Variants in CLINT1 observed in about 807,000 individuals in gnomAD.
CLINT1 encodes the protein clathrin interactor 1, also known as clathrin interacting protein localized in the trans-Golgi region.
In CLINT1, 15 loss-of-function variants were observed where a neutral mutation model predicts 70.4. That is an observed-to-expected ratio of 0.21 (90% confidence interval 0.14 to 0.33). CLINT1 has a LOEUF of 0.33. Ranked by LOEUF, CLINT1 falls within the 10% of genes least tolerant of loss-of-function variation. The pLI is 1.00. For missense variants in CLINT1, 615 were observed against 778.1 expected, an observed-to-expected ratio of 0.79 and a Z score of 2.49; for synonymous variants, 227 against 254.7, an observed-to-expected ratio of 0.89 and a Z score of 1.04.
At chr5:157,822,118 G>A (rs902260127) in intron 1 of CLINT1, among the ~76,000 whole-genome samples, 1 of 152,032 alleles carries the variant, frequency 6.6e-6, no homozygotes, top group Non-Finnish European at 1.5e-5. Context: ...CACGTGTTGT[G>A]GGAGGGACCT....
chr5:157,787,531 G>C lies in CLINT1; in HGVS notation c.*115C>G. The C allele has an allele frequency of 4.3e-6, 4 of 922,944 alleles. No individual in the cohort carries two copies. Among genetic ancestry groups the C allele is most frequent in the Non-Finnish European group, 6.6e-6 (4 of 602,572 alleles). 57.2% of individuals were successfully genotyped at this position (922,944 alleles called of 1,614,324 possible). A position where few individuals can be genotyped will look rare whatever the true frequency, so the allele number is the denominator to read the frequency against. ...AACAGCCTTTTTGGTTCTTTATGTA[G>C]ATTTATTTTAATTACTTGATAAAAG... On this transcript the variant is annotated 3_prime_UTR_variant, in exon 12 of 12. Coordinates refer to ENST00000411809, the MANE Select transcript of CLINT1 (RefSeq NM_014666.4).
intron 1 of CLINT1, among the ~76,000 whole-genome samples, chr5:157,853,256 T>A (rs1753634001): frequency 6.6e-6 from 1 of 150,782 alleles, no homozygotes; most frequent in Non-Finnish European, 1.5e-5. Flanking sequence ...GGAGACTCGC[T>A]GGAACCTGGG....
intron 5 of CLINT1, among the ~76,000 whole-genome samples, chr5:157,811,579 G>C (rs1370036558): frequency 6.6e-6 from 1 of 151,128 alleles, no homozygotes; most frequent in Non-Finnish European, 1.5e-5. Context: ...ACTGCTAAGA[G>C]TGATTAGTTA....
chr5:157,826,234 C>T (rs1763032621), intron 1 of CLINT1, among the ~76,000 whole-genome samples: 1 of 152,218 alleles, frequency 6.6e-6, no homozygotes, highest in South Asian at 2.1e-4. Context: ...CAATCTCCCA[C>T]ATTTATCCAT....
intron 1 of CLINT1, among the ~76,000 whole-genome samples, chr5:157,821,876 CATT>C (rs1762888758): frequency 6.6e-6 from 1 of 152,190 alleles, no homozygotes; most frequent in African/African-American, 2.4e-5. Context: ...TAGACACAAT[CATT>C]ATTGTTTATG....
intron 1 of CLINT1, among the ~76,000 whole-genome samples, chr5:157,833,359 A>C (rs1317526972): frequency 6.6e-6 from 1 of 152,016 alleles, no homozygotes; most frequent in African/African-American, 2.4e-5. Flanking sequence ...TCAAAAAAAA[A>C]AAAAGGAGGA....
chr5:157,840,502 A>G (rs1753135658), intron 1 of CLINT1, among the ~76,000 whole-genome samples: 1 of 151,870 alleles, frequency 6.6e-6, no homozygotes, highest in Admixed American at 6.6e-5. Flanking sequence ...CAGGAAATGC[A>G]CACTGAAGCA....
At chr5:157,791,650 A>T in intron 10 of CLINT1, 53 bp downstream of exon 10, 1 of 1,479,234 alleles carries the variant, frequency 6.8e-7, no homozygotes, top group Non-Finnish European at 9.2e-7. Flanking sequence ...TCAATGAGTT[A>T]GAGCATCTCA....
intron 1 of CLINT1, among the ~76,000 whole-genome samples, chr5:157,818,797 C>A (rs1054157369): frequency 9.9e-5 from 15 of 152,136 alleles, no homozygotes; most frequent in Non-Finnish European, 2.1e-4. Flanking sequence ...TGGAATTTCT[C>A]ATGCTTATAT....
At chr5:157,834,073 G>A (rs538390610) in intron 1 of CLINT1, among the ~76,000 whole-genome samples, 2 of 152,266 alleles carry the variant, frequency 1.3e-5, no homozygotes, top group South Asian at 4.1e-4. Flanking sequence ...CAGGCACGGA[G>A]GCTCATACCT....
At chr5:157,795,006 C>T (rs1762026204) in intron 8 of CLINT1, 34 bp from the exon 9 acceptor site, 6 of 1,511,050 alleles carry the variant, frequency 4.0e-6, no homozygotes, top group Non-Finnish European at 5.4e-6. Context: ...ACTGTTAGAA[C>T]TAGAGAAAAA....
intron 6 of CLINT1, 135 bp from the exon 7 acceptor site, chr5:157,806,247 C>G: frequency 1.2e-6 from 1 of 832,948 alleles, no homozygotes. Flanking sequence ...CAGGGATCAA[C>G]AGAATGTTAT....
At chr5:157,801,776 G>C (rs1762229586) in intron 8 of CLINT1, among the ~76,000 whole-genome samples, 1 of 152,094 alleles carries the variant, frequency 6.6e-6, no homozygotes, top group Non-Finnish European at 1.5e-5. Flanking sequence ...CCTAATCCAA[G>C]AATTTTAACA....
chr5:157,804,626 A>G (rs772450032), intron 7 of CLINT1, among the ~76,000 whole-genome samples: 1 of 152,164 alleles, frequency 6.6e-6, no homozygotes. Flanking sequence ...TGAAAACAAA[A>G]AAGAAAAAGC....
intron 5 of CLINT1, among the ~76,000 whole-genome samples, chr5:157,810,946 A>G (rs1208718547): frequency 2.6e-5 from 4 of 152,244 alleles, no homozygotes; most frequent in Admixed American, 2.0e-4. Flanking sequence ...TACATGTTTA[A>G]GGATTTTAAC....
At chr5:157,803,820 T>G in intron 7 of CLINT1, 101 bp from the exon 8 acceptor site, 1 of 747,582 alleles carries the variant, frequency 1.3e-6, no homozygotes, top group Non-Finnish European at 2.0e-6. Context: ...ATACCTGTAA[T>G]TAGCTTAATA....
At chr5:157,821,601 A>G (rs968176782) in intron 1 of CLINT1, among the ~76,000 whole-genome samples, 12 of 152,348 alleles carry the variant, frequency 7.9e-5, no homozygotes, top group South Asian at 2.1e-4. Context: ...CTTACTCAAC[A>G]TATTAACTTT....
At chr5:157,793,687 C>T (rs1025156405) in intron 9 of CLINT1, among the ~76,000 whole-genome samples, 2 of 152,060 alleles carry the variant, frequency 1.3e-5, no homozygotes, top group Admixed American at 1.3e-4. Context: ...AAAGTATTAA[C>T]CCTTAGATGG....
intron 10 of CLINT1, among the ~76,000 whole-genome samples, chr5:157,791,000 T>G (rs1421314598): frequency 1.3e-5 from 2 of 152,244 alleles, no homozygotes; most frequent in Non-Finnish European, 2.9e-5. Flanking sequence ...TTTAGGGACA[T>G]GACCAGAAAT....
Sources: allele counts gnomAD v4.1 joint callset (sites outside exome capture counted in the v4.1 genomes callset), GRCh38; gene constraint gnomAD v4.1.1; transcripts MANE v1.5; gene names NCBI Gene and HGNC (gene_info 2026-07-23, HGNC 2026-07-21).